SAMSN1: variants seen among roughly 807,000 people sequenced by gnomAD.
SAMSN1 encodes SAM domain-containing protein SAMSN-1.
Under a neutral mutation model 42.0 loss-of-function variants are expected in SAMSN1, and 31 were observed. That is an observed-to-expected ratio of 0.74 (90% CI 0.55 to 1.00). SAMSN1 has a LOEUF of 1.00. Ranked by LOEUF, SAMSN1 falls within the 50% of genes least tolerant of loss-of-function variation. SAMSN1 has a pLI of 0.00. For missense variants in SAMSN1, 464 were observed against 439.4 expected, an observed-to-expected ratio of 1.06 and a Z score of -0.50; for synonymous variants, 178 against 151.9, an observed-to-expected ratio of 1.17 and a Z score of -1.26.
chr21:14,511,686 C>T (rs1987693848), intron 4 of SAMSN1, among the ~76,000 whole-genome samples: 2 of 152,112 alleles, frequency 1.3e-5, no homozygotes, highest in African/African-American at 2.4e-5. Flanking sequence ...GTATAACAGT[C>T]TACATACAAA....
In SAMSN1 at chr21:14,485,739, T is replaced by C; in HGVS notation, c.*173A>G. On this transcript the variant is annotated 3_prime_UTR_variant, in exon 8 of 8. Transcript: ENST00000400566. ...TAATAAATATATATTTTATTGACAG[T>C]AATTTGGAATGTTAGAGATACAAAA... 1 of 528,802 alleles carries C rather than the reference T, an allele frequency of 1.9e-6. No individual in the cohort carries two copies. Among genetic ancestry groups the C allele is most frequent in the Non-Finnish European group, 3.3e-6 (1 of 299,590 alleles). The allele number at this position is 528,802 out of a possible 1,614,324, so 32.8% of individuals were successfully genotyped here.
In SAMSN1 at chr21:14,534,444, AAAC is replaced by A. The variant is rs969343441; in HGVS notation, c.57+11758_57+11760del. Among the ~76,000 whole-genome samples, 25 of 152,166 alleles carry A rather than the reference AAAC, an allele frequency of 1.6e-4. 1 individual carries two copies. In the South Asian group the frequency reaches 1.7e-3, roughly 10 times the overall value. On this transcript the variant is annotated intron_variant, in intron 1 of 7. Coordinates refer to ENST00000400566, the MANE Select transcript of SAMSN1 (RefSeq NM_022136.5). ...GCACATACTGAAAAACTGTGAGTTTAAACAACAACAACAACAACAACAAACAGA... is the reference window on the plus strand; with the variant it reads ...GCACATACTGAAAAACTGTGAGTTTAAACAACAACAACAACAACAAACAGA...
rs1168170174 is a variant in SAMSN1 at position 14,512,480 on chromosome 21, A to T, written c.373T>A (p.Ser125Thr). 6.2e-7 allele frequency: 1 copy of T among 1,613,854 alleles called. No individual in the cohort carries two copies. The highest frequency in any genetic ancestry group is 8.5e-7 in the Non-Finnish European group (1 of 1,179,894). Reference sequence around the variant, plus strand: ...TGTCCACTGTAGAGACTATCCATGGAGTCACTGGCTTTGAGGGACACCTTC... The same window carrying T: ...TGTCCACTGTAGAGACTATCCATGGTGTCACTGGCTTTGAGGGACACCTTC... ...TEKVSLKASD[S>T]MDSLYSGQSS... The change falls in exon 4 of 8, where the codon TCC becomes ACC. Residue 125 changes from serine to threonine, a missense_variant. Ser to Thr is a moderately conservative substitution (Grantham distance 58, BLOSUM62 1). Coordinates refer to ENST00000400566, the MANE Select transcript of SAMSN1 (RefSeq NM_022136.5).
chr21:14,568,589 G>A (rs1293066740), intron 2 of SAMSN1, among the ~76,000 whole-genome samples: 1 of 152,090 alleles, frequency 6.6e-6, no homozygotes, highest in Non-Finnish European at 1.5e-5. Context: ...TCATAGAAGA[G>A]GTCTTAGTGG....
intron 2 of SAMSN1, among the ~76,000 whole-genome samples, chr21:14,632,548 A>G (rs1983357815): frequency 6.6e-6 from 1 of 152,230 alleles, no homozygotes; most frequent in African/African-American, 2.4e-5. Context: ...TAATACAAAT[A>G]ATATTGTAAT....
intron 7 of SAMSN1, among the ~76,000 whole-genome samples, chr21:14,592,922 T>C (rs923361720): frequency 4.6e-5 from 7 of 152,160 alleles, no homozygotes; most frequent in African/African-American, 1.7e-4. Flanking sequence ...GGTTCATTTG[T>C]TTGTTTCCCA....
chr21:14,650,991 C>T (rs954493536), intron 1 of SAMSN1, among the ~76,000 whole-genome samples: 23 of 151,732 alleles, frequency 1.5e-4, no homozygotes, highest in African/African-American at 5.3e-4. Flanking sequence ...AAATCCAAAA[C>T]CTGAAAAGAC....
chr21:14,486,253 G>T lies in SAMSN1; in HGVS notation c.920-139C>A. 4 of 629,236 alleles carry T rather than the reference G, an allele frequency of 6.4e-6. No individual in the cohort carries two copies. The South Asian group carries it at 6.4e-5, about 10-fold the overall frequency. 39.0% of individuals were successfully genotyped at this position (629,236 alleles called of 1,614,324 possible). A position where few individuals can be genotyped will look rare whatever the true frequency, so the allele number is the denominator to read the frequency against. On this transcript the variant is annotated intron_variant, in intron 7 of 7. Transcript: ENST00000400566. Reference sequence around the variant, plus strand: ...ACAATGGAAAGTTCTGCAAGTAAAAGGTATCTTTGTTTATTACAAAAGAGA... The same window carrying T: ...ACAATGGAAAGTTCTGCAAGTAAAATGTATCTTTGTTTATTACAAAAGAGA...
rs958495645 is a variant in SAMSN1, at chr21:14,541,513, T to C, written c.57+4692A>G. Among the ~76,000 whole-genome samples the C allele has an allele frequency of 1.2e-4, 13 of 108,212 alleles. No individual in the cohort carries two copies. In the East Asian group the frequency reaches 6.1e-3, roughly 51 times the overall value. 71.0% of individuals were successfully genotyped at this position (108,212 alleles called of 152,430 possible). ...TATGAGATTTGTTTGTGATTTTTTG[T>C]GGTTTTTTTTGTTTGTTTGTTTGTT... On this transcript the variant is annotated intron_variant, in intron 1 of 7. Coordinates refer to ENST00000400566, the MANE Select transcript of SAMSN1 (RefSeq NM_022136.5).
rs1033981419 is a variant in SAMSN1 at position 14,612,819 on chromosome 21, G to T, written c.235+57C>A. On this transcript the variant is annotated intron_variant, in intron 4 of 15. Coordinates refer to the SAMSN1 transcript ENST00000647101. ...GCTTTGTGGCAGGAGCAGGAGAAAA[G>T]AACTTGTGGGGAGACAGAATACATC... 14 of 680,784 alleles carry T rather than the reference G, an allele frequency of 2.1e-5. No individual in the cohort carries two copies. In the African/African-American group the frequency reaches 2.2e-4, roughly 11 times the overall value. The allele number at this position is 680,784 out of a possible 1,614,324, so 42.2% of individuals were successfully genotyped here. A position where few individuals can be genotyped will look rare whatever the true frequency, so the allele number is the denominator to read the frequency against.
chr21:14,615,916 T>C (rs1982824860), intron 3 of SAMSN1: 1 of 403,598 alleles, frequency 2.5e-6, no homozygotes, highest in Non-Finnish European at 4.6e-6. Flanking sequence ...CCACTAAAAA[T>C]TCACATTCAA....
Position 14,485,756 on chromosome 21 carries a change from GA to G in SAMSN1, c.*155del, listed in dbSNP as rs1281580736. Reference sequence around the variant, plus strand: ...ATTGACAGTAATTTGGAATGTTAGAGATACAAAATTTTATGTACAATTATTC... The same window carrying G: ...ATTGACAGTAATTTGGAATGTTAGAGTACAAAATTTTATGTACAATTATTC... On this transcript the variant is annotated 3_prime_UTR_variant, in exon 8 of 8. Transcript: ENST00000400566. The G allele has an allele frequency of 1.8e-6, 1 of 564,344 alleles. No individual in the cohort carries two copies. Among genetic ancestry groups the G allele is most frequent in the African/African-American group, 1.9e-5 (1 of 53,506 alleles). The allele number at this position is 564,344 out of a possible 1,614,324, so 35.0% of individuals were successfully genotyped here.
At chr21:14,608,373 A>G (rs1982618687) in intron 5 of SAMSN1, among the ~76,000 whole-genome samples, 1 of 152,186 alleles carries the variant, frequency 6.6e-6, no homozygotes, top group South Asian at 2.1e-4. Context: ...AGTGGAAAGC[A>G]ACACAGGGCA....
chr21:14,495,636 T>A (rs1401196160), intron 7 of SAMSN1: 3 of 152,214 alleles, frequency 2.0e-5, no homozygotes, highest in African/African-American at 4.8e-5. Context: ...TCTAGTGACC[T>A]TCAAGCATCA....
rs893054767 is a variant in SAMSN1 at position 14,485,606 on chromosome 21, C to T, written c.*306G>A. On this transcript the variant is annotated 3_prime_UTR_variant, in exon 8 of 8. Transcript: ENST00000400566. Reference sequence around the variant, plus strand: ...AAGGTTACTTTGTTTTTTGCAGATACTGTACTTGTAAAATAAAGCCAAATA... The same window carrying T: ...AAGGTTACTTTGTTTTTTGCAGATATTGTACTTGTAAAATAAAGCCAAATA... 4.9e-6 allele frequency: 1 copy of T among 203,752 alleles called. No homozygotes were observed. The highest frequency in any genetic ancestry group is 1.0e-5 in the Non-Finnish European group (1 of 100,352). 12.6% of individuals were successfully genotyped at this position (203,752 alleles called of 1,614,324 possible). A position where few individuals can be genotyped will look rare whatever the true frequency, so the allele number is the denominator to read the frequency against.
intron 6 of SAMSN1, chr21:14,601,885 T>C (rs1982441676): frequency 2.6e-6 from 1 of 380,684 alleles, no homozygotes; most frequent in Non-Finnish European, 4.9e-6. Flanking sequence ...AGCATATCAA[T>C]TATAAAGCAA....
In SAMSN1 at chr21:14,487,375, A is replaced by G. The variant is rs74997328; in HGVS notation, c.920-1261T>C. On this transcript the variant is annotated intron_variant, in intron 7 of 7. Transcript: ENST00000400566. ...TATATATATATCTATCTTCTTTAAAATGCATTTTCTAGTTTCCATATGTTT... is the reference window on the plus strand; with the variant it reads ...TATATATATATCTATCTTCTTTAAAGTGCATTTTCTAGTTTCCATATGTTT... 9.7e-4 allele frequency among the ~76,000 whole-genome samples: 147 copies of G among 151,712 alleles called. 5 individuals carry two copies. In the East Asian group the frequency reaches 0.026, roughly 27 times the overall value.
chr21:14,618,701 C>CGT (rs1600967301), intron 2 of SAMSN1, among the ~76,000 whole-genome samples: 5 of 121,582 alleles, frequency 4.1e-5, no homozygotes, highest in East Asian at 2.3e-4. Flanking sequence ...TGCGCGCGCG[C>CGT]GCACGCGCGT....
At chr21:14,549,048 A>G (rs554849214), upstream of SAMSN1, among the ~76,000 whole-genome samples, 8 of 152,330 alleles carry the variant, frequency 5.3e-5, no homozygotes, top group African/African-American at 1.7e-4. Context: ...GTCATGAATC[A>G]TGAGTAAAAA....
Sources: gnomAD v4.1 joint callset for allele counts (sites outside exome capture counted in the v4.1 genomes callset) on GRCh38, gnomAD v4.1.1 for gene constraint, MANE v1.5 for transcripts, NCBI Gene and HGNC (gene_info 2026-07-23, HGNC 2026-07-21) for gene names.